Variants in FAM135B observed in about 807,000 individuals in gnomAD.
FAM135B encodes the protein protein FAM135B.
A neutral mutation model predicts 127.7 loss-of-function variants in FAM135B; 43 were observed. The ratio of observed to expected loss-of-function variants is 0.34; its 90% CI spans 0.26 to 0.43. The LOEUF (loss-of-function observed/expected upper bound fraction) is 0.43, where lower values mean the gene tolerates loss of function less well. FAM135B is among the 20% of genes least tolerant of loss of function. The probability of loss-of-function intolerance (pLI) is 1.00; values close to 1 mark genes in which losing one functional copy is unlikely to be tolerated. For synonymous variants in FAM135B, 670 were observed against 665.1 expected (o/e 1.01, Z -0.11); for missense variants, 1,558 against 1,725.6 (o/e 0.90, Z 1.72).
chr8:138,151,778 T>C lies in FAM135B; in HGVS notation c.2697A>G (p.Ala899=), dbSNP rs1818176561. 6.2e-7 allele frequency: 1 copy of C among 1,614,014 alleles called. No individual in the cohort carries two copies. Among genetic ancestry groups the C allele is most frequent in the Non-Finnish European group, 8.5e-7 (1 of 1,180,026 alleles). ...GCATGCCCTTTGGGGTTTCCTCAAG[T>C]GCTCTATGAAGAGATCTGGTCCTGG... ...ENPRTRSLHR[A]LEETPKGMPK... Residue 899 remains alanine, a synonymous_variant, in exon 13 of 20, where the codon GCA becomes GCG. Transcript: ENST00000395297.
chr8:138,288,450 T>C (rs1261293207), intron 3 of FAM135B, among the ~76,000 whole-genome samples: 1 of 152,136 alleles, frequency 6.6e-6, no homozygotes, highest in Non-Finnish European at 1.5e-5. Flanking sequence ...GAAGCCCTTC[T>C]AGGTTTATAA....
intron 1 of FAM135B, among the ~76,000 whole-genome samples, chr8:138,398,704 A>G (rs1832983243): frequency 6.6e-6 from 1 of 152,212 alleles, no homozygotes; most frequent in Non-Finnish European, 1.5e-5. Flanking sequence ...GGCATCGACT[A>G]ATTTTAAGGC....
intron 4 of FAM135B, among the ~76,000 whole-genome samples, chr8:138,262,885 G>A (rs1369058964): frequency 2.8e-5 from 4 of 142,142 alleles, no homozygotes; most frequent in South Asian, 4.8e-4. Context: ...CTGAGCGACA[G>A]TGGGAGACTC....
chr8:138,404,119 C>T (rs1304424183), intron 1 of FAM135B, among the ~76,000 whole-genome samples: 1 of 151,790 alleles, frequency 6.6e-6, no homozygotes, highest in Non-Finnish European at 1.5e-5. Context: ...CAGACCACCA[C>T]AATAAAGCAA....
intron 2 of FAM135B, among the ~76,000 whole-genome samples, chr8:138,351,692 T>A (rs996790004): frequency 3.3e-5 from 5 of 150,052 alleles, no homozygotes; most frequent in African/African-American, 1.2e-4. Flanking sequence ...TCTTTTTTTT[T>A]TTTTTTTTTT....
At chr8:138,184,584 T>G (rs4294233) in intron 9 of FAM135B, among the ~76,000 whole-genome samples, 72,634 of 151,948 alleles carry the variant, frequency 0.48, 17,574 homozygotes, top group East Asian at 0.57. Flanking sequence ...AGGAAGGCAG[T>G]CTGGGTATTG....
intron 4 of FAM135B, among the ~76,000 whole-genome samples, chr8:138,258,608 C>G (rs140502779): frequency 6.6e-6 from 1 of 152,152 alleles, no homozygotes; most frequent in Non-Finnish European, 1.5e-5. Flanking sequence ...AAACTTGCTG[C>G]AATTTCCTTA....
At chr8:138,218,766 CAGAGAGAGAGAGAGAG>C (rs34578685) in intron 7 of FAM135B, among the ~76,000 whole-genome samples, 1 of 80,498 alleles carries the variant, frequency 1.2e-5, no homozygotes, top group Non-Finnish European at 2.7e-5. Context: ...CACACACACA[CAGAGAGAGAGAGAGAG>C]AGAGAGAGAG....
chr8:138,351,673 T>C (rs1298899348), intron 2 of FAM135B, among the ~76,000 whole-genome samples: 1 of 150,874 alleles, frequency 6.6e-6, no homozygotes, highest in Non-Finnish European at 1.5e-5. Flanking sequence ...CCTACATGCT[T>C]AGGGCAGATC....
intron 2 of FAM135B, among the ~76,000 whole-genome samples, chr8:138,332,359 T>C (rs185676716): frequency 6.6e-6 from 1 of 152,236 alleles, no homozygotes; most frequent in East Asian, 1.9e-4. Context: ...GAAAAAATAT[T>C]TGCGTTTGCT....
intron 2 of FAM135B, among the ~76,000 whole-genome samples, chr8:138,334,001 C>A (rs1397032606): frequency 1.3e-5 from 2 of 152,330 alleles, no homozygotes; most frequent in Admixed American, 6.5e-5. Flanking sequence ...TGGATCACTG[C>A]AACATCTGCC....
At chr8:138,372,290 A>C (rs550142816) in intron 1 of FAM135B, among the ~76,000 whole-genome samples, 1 of 152,266 alleles carries the variant, frequency 6.6e-6, no homozygotes, top group African/African-American at 2.4e-5. Flanking sequence ...CTCAGGCAGC[A>C]ACACCCACAG....
At chr8:138,224,959 C>G (rs1819303854) in intron 7 of FAM135B, among the ~76,000 whole-genome samples, 1 of 152,066 alleles carries the variant, frequency 6.6e-6, no homozygotes, top group Non-Finnish European at 1.5e-5. Context: ...AAAAAAAGGA[C>G]AAATTGGTTC....
At chr8:138,486,998 G>C (rs1252183119) in intron 1 of FAM135B, among the ~76,000 whole-genome samples, 1 of 151,778 alleles carries the variant, frequency 6.6e-6, no homozygotes, top group African/African-American at 2.4e-5. Flanking sequence ...TAAGTTCTAG[G>C]GTACATGTGC....
rs370044180 is a variant in FAM135B at position 138,384,656 on chromosome 8, C to CTG, written c.-19-16656_-19-16655dup. ...TGTGTGAGTATGTGTGTGTGTGCAC[C>CTG]TGTGTGTGTGTGTATGTGAGTGGTT... On this transcript the variant is annotated intron_variant, in intron 1 of 19. Transcript: ENST00000395297. Among the ~76,000 whole-genome samples the CTG allele has an allele frequency of 9.4e-4, 142 of 151,420 alleles. 1 individual carries two copies. Among genetic ancestry groups the CTG allele is most frequent in the African/African-American group, 3.2e-3 (132 of 41,306 alleles).
intron 1 of FAM135B, among the ~76,000 whole-genome samples, chr8:138,368,869 G>C (rs940843769): frequency 6.6e-6 from 1 of 152,138 alleles, no homozygotes; most frequent in African/African-American, 2.4e-5. Flanking sequence ...TGTGATGAAA[G>C]GGAAAGAAGC....
At chr8:138,153,272 G>C (rs768221047) in intron 12 of FAM135B, 56 bp from the exon 13 acceptor site, 4 of 1,367,470 alleles carry the variant, frequency 2.9e-6, no homozygotes, top group Non-Finnish European at 3.9e-6. Context: ...GTGTTTACAA[G>C]TTATCCAAAT....
intron 12 of FAM135B, 78 bp from the exon 13 acceptor site, chr8:138,153,294 T>C: frequency 8.2e-7 from 1 of 1,219,168 alleles, no homozygotes; most frequent in Non-Finnish European, 1.1e-6. Context: ...TCTAACTGTA[T>C]AATAAAGAAT....
At chr8:138,234,254 T>A (rs1428945672) in intron 7 of FAM135B, among the ~76,000 whole-genome samples, 2 of 152,220 alleles carry the variant, frequency 1.3e-5, no homozygotes, top group Non-Finnish European at 2.9e-5. Context: ...TGAATCATTG[T>A]ACAACATTGA....
Sources: gnomAD v4.1 joint callset for allele counts (sites outside exome capture counted in the v4.1 genomes callset) on GRCh38, gnomAD v4.1.1 for gene constraint, MANE v1.5 for transcripts, NCBI Gene and HGNC (gene_info 2026-07-23, HGNC 2026-07-21) for gene names.